The following TMEM132D variants were observed in gnomAD, a reference collection of about 807,000 sequenced individuals.
The protein encoded by TMEM132D is mature OL transmembrane protein.
TMEM132D carries 21 observed loss-of-function variants against 62.3 expected under a neutral mutation model. The ratio of observed to expected loss-of-function variants is 0.34; its 90% confidence interval spans 0.24 to 0.49. The LOEUF (loss-of-function observed/expected upper bound fraction) is 0.49. TMEM132D is among the 20% of genes least tolerant of loss of function. The probability of loss-of-function intolerance (pLI) is 0.99; values close to 1 mark genes in which losing one functional copy is unlikely to be tolerated. For synonymous variants in TMEM132D, 621 were observed against 575.6 expected (o/e 1.08, Z -1.13); for missense variants, 1,346 against 1,402.8 (o/e 0.96, Z 0.65).
intron 2 of TMEM132D, among the ~76,000 whole-genome samples, chr12:129,548,694 G>GTGA (rs934902253): frequency 2.4e-5 from 3 of 126,618 alleles, no homozygotes; most frequent in Non-Finnish European, 3.3e-5. Context: ...CACTTCACAT[G>GTGA]TGACCTCACC....
intron 2 of TMEM132D, among the ~76,000 whole-genome samples, chr12:129,556,107 C>T (rs1015459031): frequency 2.0e-5 from 3 of 152,164 alleles, no homozygotes; most frequent in Non-Finnish European, 4.4e-5. Flanking sequence ...ACAGGGTGCT[C>T]CACACTCCCT....
intron 2 of TMEM132D, among the ~76,000 whole-genome samples, chr12:129,648,260 T>C (rs1384448450): frequency 3.3e-5 from 5 of 152,092 alleles, no homozygotes; most frequent in Non-Finnish European, 1.5e-5. Context: ...CATCCTGTCC[T>C]GTGACCTCCA....
intron 3 of TMEM132D, among the ~76,000 whole-genome samples, chr12:129,506,573 A>C (rs185291335): frequency 2.0e-4 from 30 of 152,350 alleles, no homozygotes; most frequent in East Asian, 1.2e-3. Flanking sequence ...CAGCCAACTG[A>C]TCTTTGACAA....
intron 4 of TMEM132D, among the ~76,000 whole-genome samples, chr12:129,217,794 G>A (rs79327468): frequency 0.073 from 11,061 of 152,208 alleles, 652 homozygotes; most frequent in East Asian, 0.31. Context: ...CAGGATTTGC[G>A]TTACATATTG....
intron 5 of TMEM132D, among the ~76,000 whole-genome samples, chr12:129,200,547 G>C (rs1402838900): frequency 1.3e-5 from 2 of 152,240 alleles, no homozygotes; most frequent in Admixed American, 6.5e-5. Context: ...GAAGCCATTT[G>C]GCTAAACTCT....
At chr12:129,213,366 A>T (rs1879108864) in intron 4 of TMEM132D, among the ~76,000 whole-genome samples, 1 of 152,130 alleles carries the variant, frequency 6.6e-6, no homozygotes, top group African/African-American at 2.4e-5. Context: ...GTGTGATGGT[A>T]CATGCCTGTA....
At chr12:129,707,195 T>C (rs956331682) in intron 1 of TMEM132D, among the ~76,000 whole-genome samples, 1 of 147,962 alleles carries the variant, frequency 6.8e-6, no homozygotes, top group Admixed American at 6.8e-5. Flanking sequence ...AATAACATTG[T>C]AATATAATAT....
At chr12:129,603,582 T>A (rs893009358) in intron 2 of TMEM132D, among the ~76,000 whole-genome samples, 5 of 152,152 alleles carry the variant, frequency 3.3e-5, no homozygotes, top group Admixed American at 3.3e-4. Flanking sequence ...TCATCATCAC[T>A]GGTCATTAGA....
chr12:129,266,183 G>A (rs1880689491), intron 4 of TMEM132D, among the ~76,000 whole-genome samples: 1 of 152,104 alleles, frequency 6.6e-6, no homozygotes, highest in Admixed American at 6.5e-5. Flanking sequence ...GCAGCATTAG[G>A]CATAGATGTC....
At chr12:129,348,001 T>G (rs1869739775) in intron 3 of TMEM132D, among the ~76,000 whole-genome samples, 1 of 152,088 alleles carries the variant, frequency 6.6e-6, no homozygotes, top group South Asian at 2.1e-4. Flanking sequence ...AAAACCACAA[T>G]GAGATACCAT....
chr12:129,185,642 T>C (rs1216301958), intron 5 of TMEM132D, among the ~76,000 whole-genome samples: 1 of 152,162 alleles, frequency 6.6e-6, no homozygotes, highest in Admixed American at 6.5e-5. Context: ...AAAATTGGCT[T>C]CTCAAAGTTG....
intron 3 of TMEM132D, among the ~76,000 whole-genome samples, chr12:129,411,369 C>T (rs12231623): frequency 0.89 from 135,697 of 152,130 alleles, 60,776 homozygotes; most frequent in Middle Eastern, 0.94. Flanking sequence ...TTGGTTTGGG[C>T]TTGTTTTGTT....
chr12:129,850,902 G>C (rs954959978), intron 1 of TMEM132D, among the ~76,000 whole-genome samples: 1 of 152,150 alleles, frequency 6.6e-6, no homozygotes, highest in Non-Finnish European at 1.5e-5. Context: ...GAAAGAAAAA[G>C]CTCACCAAAA....
intron 3 of TMEM132D, among the ~76,000 whole-genome samples, chr12:129,372,736 C>T (rs1279724519): frequency 1.3e-5 from 2 of 151,798 alleles, no homozygotes; most frequent in African/African-American, 4.8e-5. Context: ...TCCTGTCTCC[C>T]CCAGATGGGA....
At chr12:129,269,255 T>C (rs1174031893) in intron 4 of TMEM132D, among the ~76,000 whole-genome samples, 1 of 152,188 alleles carries the variant, frequency 6.6e-6, no homozygotes, top group East Asian at 1.9e-4. Context: ...GCTTGTATAG[T>C]GATTTTTTAG....
intron 5 of TMEM132D, among the ~76,000 whole-genome samples, chr12:129,192,558 A>T (rs1004185334): frequency 1.3e-5 from 2 of 152,234 alleles, no homozygotes; most frequent in Non-Finnish European, 2.9e-5. Context: ...AATCATGAAA[A>T]ATACCCCTTT....
At chr12:129,766,831 C>G (rs571752512) in intron 1 of TMEM132D, among the ~76,000 whole-genome samples, 1 of 152,270 alleles carries the variant, frequency 6.6e-6, no homozygotes, top group African/African-American at 2.4e-5. Context: ...TGAATAAAAC[C>G]TGAAAGAGGT....
intron 5 of TMEM132D, among the ~76,000 whole-genome samples, chr12:129,114,247 T>TA (rs1259790259): frequency 6.6e-6 from 1 of 152,164 alleles, no homozygotes; most frequent in Non-Finnish European, 1.5e-5. Context: ...TTTCCATTGT[T>TA]ACAGTGGGGA....
chr12:129,660,017 C>T (rs1593109298), intron 2 of TMEM132D, among the ~76,000 whole-genome samples: 1 of 152,146 alleles, frequency 6.6e-6, no homozygotes, highest in Non-Finnish European at 1.5e-5. Context: ...GAAATTATTG[C>T]TGGGTCATGG....
Sources: gnomAD v4.1 joint callset for allele counts (sites outside exome capture counted in the v4.1 genomes callset) on GRCh38, gnomAD v4.1.1 for gene constraint, MANE v1.5 for transcripts, NCBI Gene and HGNC (gene_info 2026-07-23, HGNC 2026-07-21) for gene names.